Variants in PXDNL observed in about 807,000 individuals in gnomAD.
PXDNL encodes probable oxidoreductase PXDNL.
A neutral mutation model predicts 150.8 loss-of-function variants in PXDNL; 145 were observed. The observed-to-expected ratio is 0.96, with a 90% CI of 0.84 to 1.10. The LOEUF (loss-of-function observed/expected upper bound fraction) is 1.10, where lower values mean the gene tolerates loss of function less well. PXDNL is among the 50% of genes least tolerant of loss of function. PXDNL has a pLI of 0.00. For missense variants in PXDNL, 2,087 were observed against 1,873.9 expected, an observed-to-expected ratio of 1.11 and a Z score of -2.10; for synonymous variants, 757 against 725.7, an observed-to-expected ratio of 1.04 and a Z score of -0.69.
At chr8:51,569,551 T>C (rs1404730696) in intron 3 of PXDNL, among the ~76,000 whole-genome samples, 1 of 152,004 alleles carries the variant, frequency 6.6e-6, no homozygotes, top group Admixed American at 6.6e-5. Flanking sequence ...TAGTATTCAA[T>C]ATTATCCCTT....
At chr8:51,583,669 C>G (rs1268006061) in intron 3 of PXDNL, among the ~76,000 whole-genome samples, 2 of 152,098 alleles carry the variant, frequency 1.3e-5, no homozygotes, top group Non-Finnish European at 2.9e-5. Context: ...CACGACATAA[C>G]TAGAGCCTAG....
intron 12 of PXDNL, among the ~76,000 whole-genome samples, chr8:51,429,559 G>C (rs1244613526): frequency 6.6e-6 from 1 of 152,034 alleles, no homozygotes; most frequent in East Asian, 1.9e-4. Context: ...GACAGAGTGA[G>C]ACTCCATCTC....
At chr8:51,482,109 G>A (rs888606892) in intron 6 of PXDNL, among the ~76,000 whole-genome samples, 2 of 152,190 alleles carry the variant, frequency 1.3e-5, no homozygotes, top group Non-Finnish European at 2.9e-5. Context: ...CCCCATGAAA[G>A]AAACCAGGAG....
chr8:51,640,073 C>G (rs1050768043), intron 2 of PXDNL, among the ~76,000 whole-genome samples: 1 of 152,138 alleles, frequency 6.6e-6, no homozygotes, highest in African/African-American at 2.4e-5. Flanking sequence ...ACATGTAATC[C>G]AGCATAGAAA....
At chr8:51,701,288 C>T (rs924612468) in intron 1 of PXDNL, among the ~76,000 whole-genome samples, 2 of 152,018 alleles carry the variant, frequency 1.3e-5, no homozygotes, top group Non-Finnish European at 2.9e-5. Flanking sequence ...TGGATGCAGG[C>T]GAATTTCAAA....
intron 1 of PXDNL, among the ~76,000 whole-genome samples, chr8:51,745,758 A>ATTT (rs35918137): frequency 4.3e-5 from 6 of 139,204 alleles, no homozygotes; most frequent in African/African-American, 1.3e-4. Flanking sequence ...CACCACTACC[A>ATTT]TTTTTTTTTT....
intron 1 of PXDNL, among the ~76,000 whole-genome samples, chr8:51,748,221 C>T (rs1019179004): frequency 1.9e-4 from 29 of 152,194 alleles, no homozygotes; most frequent in Admixed American, 1.6e-3. Context: ...GGTCAGTTTG[C>T]ATCAGTAATT....
intron 1 of PXDNL, among the ~76,000 whole-genome samples, chr8:51,702,237 A>C (rs1205971953): frequency 6.6e-6 from 1 of 152,180 alleles, no homozygotes; most frequent in Non-Finnish European, 1.5e-5. Context: ...ACTGACTTTT[A>C]GACTGACTTC....
At chr8:51,780,396 T>A (rs2037399172) in intron 1 of PXDNL, among the ~76,000 whole-genome samples, 1 of 152,022 alleles carries the variant, frequency 6.6e-6, no homozygotes, top group Non-Finnish European at 1.5e-5. Flanking sequence ...CAAAAATACA[T>A]ATGTAAATTC....
intron 14 of PXDNL, among the ~76,000 whole-genome samples, chr8:51,421,333 T>C (rs1338312946): frequency 6.6e-6 from 1 of 152,194 alleles, no homozygotes; most frequent in Non-Finnish European, 1.5e-5. Flanking sequence ...GAAGCACAAC[T>C]ACCACAGATT....
chr8:51,673,115 T>G (rs1274489094), intron 1 of PXDNL, among the ~76,000 whole-genome samples: 1 of 152,202 alleles, frequency 6.6e-6, no homozygotes. Context: ...ATTCCAAGTT[T>G]TACACATGTA....
At chr8:51,645,040 C>G (rs1814887917) in intron 2 of PXDNL, among the ~76,000 whole-genome samples, 2 of 151,892 alleles carry the variant, frequency 1.3e-5, no homozygotes, top group South Asian at 2.1e-4. Flanking sequence ...ATGATCTGCC[C>G]TCTGCAAGCT....
chr8:51,420,666 G>T (rs10111431), intron 14 of PXDNL, among the ~76,000 whole-genome samples: 1 of 152,100 alleles, frequency 6.6e-6, no homozygotes, highest in Admixed American at 6.6e-5. Flanking sequence ...TAAATAAAGT[G>T]ATTAATACAT....
intron 1 of PXDNL, among the ~76,000 whole-genome samples, chr8:51,749,407 C>T (rs1418261623): frequency 3.3e-5 from 5 of 152,218 alleles, no homozygotes; most frequent in Admixed American, 6.5e-5. Flanking sequence ...TATACCCATT[C>T]ACACCTGTGC....
rs1295755098 is a variant in PXDNL, at chr8:51,644,388, A to ATG, written c.236+10299_236+10300dup. ...CATATGTATATATATACACACACAT[A>ATG]TGTGTATATATATACACATGTGTGT... is the stretch of plus-strand genomic sequence containing the variant. On this transcript the variant is annotated intron_variant, in intron 2 of 22. Transcript: ENST00000356297. 5.9e-4 allele frequency among the ~76,000 whole-genome samples: 21 copies of ATG among 35,430 alleles called. 1 individual carries two copies. The highest frequency in any genetic ancestry group is 7.5e-4 in the African/African-American group (10 of 13,320). The allele number at this position is 35,430 out of a possible 152,430, so 23.2% of individuals were successfully genotyped here.
At chr8:51,511,238 T>C (rs1044230650) in intron 4 of PXDNL, among the ~76,000 whole-genome samples, 2 of 152,130 alleles carry the variant, frequency 1.3e-5, no homozygotes, top group African/African-American at 4.8e-5. Context: ...AGATTGCAGA[T>C]CATCTGTAAA....
At chr8:51,609,125 C>T (rs954074777) in intron 2 of PXDNL, among the ~76,000 whole-genome samples, 1 of 152,144 alleles carries the variant, frequency 6.6e-6, no homozygotes, top group Non-Finnish European at 1.5e-5. Flanking sequence ...GACTCCAATG[C>T]ACTGCAAGGA....
intron 4 of PXDNL, among the ~76,000 whole-genome samples, chr8:51,520,123 G>A (rs1811629849): frequency 6.6e-6 from 1 of 152,126 alleles, no homozygotes; most frequent in Non-Finnish European, 1.5e-5. Flanking sequence ...GAATCTGTGG[G>A]AGCTTCCCTC....
chr8:51,512,059 A>G (rs1811433873), intron 4 of PXDNL, among the ~76,000 whole-genome samples: 1 of 152,198 alleles, frequency 6.6e-6, no homozygotes, highest in Non-Finnish European at 1.5e-5. Flanking sequence ...TGCTCGACAG[A>G]TCAGACCGCT....
Sources: gnomAD v4.1 joint callset for allele counts (sites outside exome capture counted in the v4.1 genomes callset) on GRCh38, gnomAD v4.1.1 for gene constraint, MANE v1.5 for transcripts, NCBI Gene and HGNC (gene_info 2026-07-23, HGNC 2026-07-21) for gene names.